Variants in ARID4B observed in about 807,000 individuals in gnomAD.
ARID4B encodes AT-rich interaction domain 4B.
ARID4B carries 26 observed loss-of-function variants against 147.5 expected under a neutral mutation model. That is an observed-to-expected ratio of 0.18 (90% confidence interval 0.13 to 0.24). ARID4B has a LOEUF of 0.24. ARID4B is among the 10% of genes least tolerant of loss of function. The pLI is 1.00. For missense variants in ARID4B, 1,179 were observed against 1,511.5 expected (o/e 0.78, Z 3.65); for synonymous variants, 512 against 507.9 (o/e 1.01, Z -0.11).
chr1:235,303,136 G>A (rs1673304365), intron 2 of ARID4B, among the ~76,000 whole-genome samples: 1 of 151,754 alleles, frequency 6.6e-6, no homozygotes, highest in Non-Finnish European at 1.5e-5. Context: ...TGTTAGCCAC[G>A]ATGGTCTCAA....
intron 17 of ARID4B, among the ~76,000 whole-genome samples, chr1:235,201,627 T>A (rs1163446964): frequency 3.3e-5 from 5 of 152,190 alleles, no homozygotes; most frequent in Non-Finnish European, 7.3e-5. Context: ...TCTGGCGGAA[T>A]ACAATAATCT....
chr1:235,314,678 G>T (rs933683529), intron 2 of ARID4B, among the ~76,000 whole-genome samples: 1 of 151,892 alleles, frequency 6.6e-6, no homozygotes, highest in African/African-American at 2.4e-5. Flanking sequence ...CAACAGCAAG[G>T]TTCCTGGAAT....
At chr1:235,313,319 C>T (rs1465514527) in intron 2 of ARID4B, among the ~76,000 whole-genome samples, 1 of 150,598 alleles carries the variant, frequency 6.6e-6, no homozygotes, top group African/African-American at 2.4e-5. Flanking sequence ...CATGACCCAC[C>T]GTGCATGCCT....
At chr1:235,311,935 T>A (rs1674079510) in intron 2 of ARID4B, among the ~76,000 whole-genome samples, 1 of 152,140 alleles carries the variant, frequency 6.6e-6, no homozygotes, top group African/African-American at 2.4e-5. Flanking sequence ...AAAATCTTAC[T>A]AAAGCCATCA....
chr1:235,260,257 G>C (rs1289804951), intron 3 of ARID4B, among the ~76,000 whole-genome samples: 12 of 152,132 alleles, frequency 7.9e-5, no homozygotes, highest in African/African-American at 2.9e-4. Flanking sequence ...CCTTAAAATT[G>C]ATGAACTATG....
chr1:235,275,589 C>T (rs115194692), intron 2 of ARID4B, among the ~76,000 whole-genome samples: 1,827 of 152,270 alleles, frequency 0.012, 21 homozygotes, highest in Middle Eastern at 0.031. Context: ...ATGAGATGCT[C>T]TGTACCCTTA....
chr1:235,298,762 C>T (rs1327461022), intron 2 of ARID4B, among the ~76,000 whole-genome samples: 1 of 152,044 alleles, frequency 6.6e-6, no homozygotes, highest in East Asian at 1.9e-4. Flanking sequence ...ATATCTCTTT[C>T]ATCAACACCT....
chr1:235,300,462 G>C (rs926519117), intron 2 of ARID4B, among the ~76,000 whole-genome samples: 5 of 151,348 alleles, frequency 3.3e-5, no homozygotes, highest in Non-Finnish European at 5.9e-5. Context: ...TCAAAATTGA[G>C]TTCAACTCTA....
At chr1:235,276,116 TGACA>T (rs1400980604) in intron 2 of ARID4B, among the ~76,000 whole-genome samples, 2 of 144,408 alleles carry the variant, frequency 1.4e-5, no homozygotes, top group South Asian at 2.1e-4. Flanking sequence ...CCAGCCTAGG[TGACA>T]GACAGAGACT....
chr1:235,270,223 C>T (rs912095622), intron 2 of ARID4B, among the ~76,000 whole-genome samples: 6 of 152,110 alleles, frequency 3.9e-5, no homozygotes, highest in Non-Finnish European at 2.9e-5. Flanking sequence ...GTGGTGCTTG[C>T]AGTGAGCCGA....
At chr1:235,206,797 TGA>T (rs925161149) in intron 17 of ARID4B, among the ~76,000 whole-genome samples, 15 of 152,166 alleles carry the variant, frequency 9.9e-5, no homozygotes, top group Non-Finnish European at 1.9e-4. Context: ...AAAAGGCTGA[TGA>T]GAGTGGATTT....
In ARID4B at chr1:235,194,133, G is replaced by A; in HGVS notation, c.2005C>T (p.Pro669Ser). ...NCKLRRLSKPPFQTNPSPEMV... is the reference protein window; with the variant it reads ...NCKLRRLSKPSFQTNPSPEMV... ...TCAGGAGATGGATTTGTCTGAAATG[G>A]TGGTTTGGACAAGCGCCGAAGTTTA... Residue 669 changes from proline (P) to serine (S), a missense_variant, in exon 19 of 24, where the codon CCA (proline) becomes TCA (serine). Around this residue, in one of 10 missense-constraint regions of ARID4B, gnomAD observed 321 missense variants for 342.4 expected, o/e 0.94. Transcript: ENST00000264183. 8 of 1,613,452 alleles carry A rather than the reference G, an allele frequency of 5.0e-6. No individual in the cohort carries two copies. The highest frequency in any genetic ancestry group is 5.9e-6 in the Non-Finnish European group (7 of 1,179,422).
At chr1:235,184,305 T>C (rs1207208320) in intron 19 of ARID4B, among the ~76,000 whole-genome samples, 1 of 152,134 alleles carries the variant, frequency 6.6e-6, no homozygotes, top group African/African-American at 2.4e-5. Context: ...TGATACACTT[T>C]GAACAGACCA....
chr1:235,241,694 T>C (rs1185672812), intron 7 of ARID4B, among the ~76,000 whole-genome samples: 9 of 151,950 alleles, frequency 5.9e-5, no homozygotes, highest in Admixed American at 5.9e-4. Context: ...AATTTTTGTA[T>C]TTTTGGTAGA....
intron 19 of ARID4B, among the ~76,000 whole-genome samples, chr1:235,183,483 C>T (rs1006418096): frequency 6.6e-6 from 1 of 152,182 alleles, no homozygotes; most frequent in Non-Finnish European, 1.5e-5. Flanking sequence ...GCTGGGATTA[C>T]AGGCGTGAGC....
intron 2 of ARID4B, among the ~76,000 whole-genome samples, chr1:235,290,035 A>G (rs1572164687): frequency 1.4e-5 from 1 of 73,012 alleles, no homozygotes; most frequent in Non-Finnish European, 3.6e-5. Flanking sequence ...CTCTATCTCT[A>G]AAAAAAAAAA....
intron 17 of ARID4B, among the ~76,000 whole-genome samples, chr1:235,198,701 G>C (rs1665668764): frequency 6.6e-6 from 1 of 152,164 alleles, no homozygotes; most frequent in South Asian, 2.1e-4. Flanking sequence ...GTTGGAGCAG[G>C]CAGGACACAC....
At chr1:235,208,674 G>GT (rs779224188) in intron 17 of ARID4B, among the ~76,000 whole-genome samples, 1 of 133,468 alleles carries the variant, frequency 7.5e-6, no homozygotes, top group Non-Finnish European at 1.7e-5. Flanking sequence ...GGCTAATTTT[G>GT]TGTTTTTTTT....
intron 9 of ARID4B, among the ~76,000 whole-genome samples, chr1:235,232,047 C>G (rs763924634): frequency 6.6e-5 from 10 of 151,918 alleles, no homozygotes; most frequent in Non-Finnish European, 1.3e-4. Context: ...TGGAAAAAAC[C>G]CAGGGCAGGG....
Sources: allele counts gnomAD v4.1 joint callset (sites outside exome capture counted in the v4.1 genomes callset), GRCh38; gene constraint gnomAD v4.1.1; regional missense constraint gnomAD v4.1.1; transcripts MANE v1.5; gene names NCBI Gene and HGNC (gene_info 2026-07-23, HGNC 2026-07-21).